STK3: variants seen among roughly 807,000 people sequenced by gnomAD.
STK3 encodes serine/threonine-protein kinase 3.
STK3 carries 41 observed loss-of-function variants against 58.0 expected under a neutral mutation model. The observed-to-expected ratio is 0.71, with a 90% CI of 0.55 to 0.92. The LOEUF (loss-of-function observed/expected upper bound fraction) is 0.92, where lower values mean the gene tolerates loss of function less well. Ranked by LOEUF, STK3 falls within the 40% of genes least tolerant of loss-of-function variation. The probability of loss-of-function intolerance (pLI) is 0.00; values close to 1 mark genes in which losing one functional copy is unlikely to be tolerated. For synonymous variants in STK3, 170 were observed against 191.0 expected, an observed-to-expected ratio of 0.89 and a Z score of 0.91; for missense variants, 479 against 602.7, an observed-to-expected ratio of 0.79 and a Z score of 2.15.
At chr8:98,680,047 C>G (rs537436275) in intron 6 of STK3, among the ~76,000 whole-genome samples, 87 of 152,242 alleles carry the variant, frequency 5.7e-4, no homozygotes, top group Middle Eastern at 6.8e-3. Context: ...ACTCTTCTAA[C>G]TTTTCCATTA....
At chr8:98,479,248 G>C (rs955209172) in intron 10 of STK3, among the ~76,000 whole-genome samples, 7 of 152,082 alleles carry the variant, frequency 4.6e-5, no homozygotes, top group Non-Finnish European at 1.0e-4. Context: ...AGCACTTTGG[G>C]AGGCCAAGGT....
intron 3 of STK3, among the ~76,000 whole-genome samples, chr8:98,848,228 C>T (rs754715953): frequency 1.5e-4 from 23 of 151,840 alleles, no homozygotes; most frequent in Non-Finnish European, 2.9e-4. Context: ...CAGTCCCTGG[C>T]AACTACTAAT....
At chr8:98,924,298 T>C (rs763511944) in intron 1 of STK3, among the ~76,000 whole-genome samples, 22 of 152,228 alleles carry the variant, frequency 1.4e-4, no homozygotes, top group Non-Finnish European at 2.5e-4. Flanking sequence ...ATTATCTGCT[T>C]CTGTTTCTCT....
Position 98,932,754 on chromosome 8 carries a change from T to G in STK3, c.-79+9624A>C, listed in dbSNP as rs1029986678. ...AATGCTCCTGGTCCTCCAGCCATAC[T>G]TCGAAAAGTTAGGCCCTGGGAGGAC... On this transcript the variant is annotated intron_variant, in intron 1 of 1. Transcript: ENST00000519420. Among the ~76,000 whole-genome samples the G allele has an allele frequency of 2.6e-5, 4 of 152,152 alleles. No homozygotes were observed. The South Asian group carries it at 6.2e-4, about 24-fold the overall frequency.
At chr8:98,714,407 T>A (rs1229788394) in intron 4 of STK3, among the ~76,000 whole-genome samples, 3 of 152,184 alleles carry the variant, frequency 2.0e-5, no homozygotes, top group Admixed American at 2.0e-4. Flanking sequence ...CAAAATCTCC[T>A]TAAGCCAACA....
intron 1 of STK3, among the ~76,000 whole-genome samples, chr8:98,886,063 C>A (rs555486593): frequency 6.6e-6 from 1 of 152,010 alleles, no homozygotes; most frequent in African/African-American, 2.4e-5. Flanking sequence ...GAGAAGAGGG[C>A]GAAAGGCATG....
intron 8 of STK3, among the ~76,000 whole-genome samples, chr8:98,570,431 G>A (rs924951845): frequency 1.3e-5 from 2 of 151,908 alleles, no homozygotes; most frequent in African/African-American, 2.4e-5. Flanking sequence ...GTGAGCCACC[G>A]TGCCTGGCCC....
chr8:98,788,419 T>A lies in STK3; in HGVS notation c.27-13600A>T, dbSNP rs564586998. Among the ~76,000 whole-genome samples, 263 of 151,368 alleles carry A rather than the reference T, an allele frequency of 1.7e-3. 1 individual carries two copies. The highest frequency in any genetic ancestry group is 6.8e-3 in the Middle Eastern group (2 of 292). ...TACCACTGCACTCCAGCCTGGGTGA[T>A]GGAGTAAGACTCCATCTCAGAAAAA... On this transcript the variant is annotated intron_variant, in intron 1 of 10. Transcript: ENST00000419617.
At chr8:98,767,171 T>C (rs1831002522) in intron 3 of STK3, 72 bp downstream of exon 3, 1 of 1,426,464 alleles carries the variant, frequency 7.0e-7, no homozygotes, top group Non-Finnish European at 9.3e-7. Flanking sequence ...GATCAAAGAA[T>C]AAATTTTGTT....
intron 3 of STK3, among the ~76,000 whole-genome samples, chr8:98,878,743 C>G (rs2131892285): frequency 1.3e-5 from 2 of 152,168 alleles, no homozygotes; most frequent in Middle Eastern, 3.4e-3. Context: ...ACTTGCCTTG[C>G]TGAGAATTAA....
intron 10 of STK3, among the ~76,000 whole-genome samples, chr8:98,505,363 T>G (rs746335566): frequency 1.3e-5 from 2 of 152,218 alleles, no homozygotes; most frequent in Non-Finnish European, 2.9e-5. Context: ...AGAAGTTTGT[T>G]ATTACCAACC....
At chr8:98,623,198 GA>G (rs1446210625) in intron 6 of STK3, among the ~76,000 whole-genome samples, 1 of 148,796 alleles carries the variant, frequency 6.7e-6, no homozygotes, top group Non-Finnish European at 1.5e-5. Flanking sequence ...AAGAAACGAA[GA>G]AAAAATAAAG....
At chr8:98,541,520 A>T (rs1284529138) in intron 9 of STK3, among the ~76,000 whole-genome samples, 1 of 152,110 alleles carries the variant, frequency 6.6e-6, no homozygotes, top group African/African-American at 2.4e-5. Flanking sequence ...TTTATATATT[A>T]CCCAGTCTCA....
In STK3 at chr8:98,743,627, C is replaced by A. The variant is rs201008853; in HGVS notation, c.351+5649G>T. On this transcript the variant is annotated intron_variant, in intron 4 of 10. Transcript: ENST00000419617. ...TTAAACGTTAGACCTAAAACCATAA[C>A]AACCCTAGAAGAAAACCTAGGCATT... is the stretch of plus-strand genomic sequence containing the variant. 1.2e-3 allele frequency among the ~76,000 whole-genome samples: 186 copies of A among 152,112 alleles called. 1 individual carries two copies. The highest frequency in any genetic ancestry group is 4.0e-3 in the African/African-American group (165 of 41,474).
chr8:98,490,469 T>A (rs560522635), intron 10 of STK3, among the ~76,000 whole-genome samples: 2 of 152,338 alleles, frequency 1.3e-5, no homozygotes, highest in East Asian at 3.9e-4. Context: ...CCCCTGACTT[T>A]ACTTCTTAGG....
At chr8:98,440,563 ACG>A (rs1491254509) in intron 1 of STK3, among the ~76,000 whole-genome samples, 4 of 118,310 alleles carry the variant, frequency 3.4e-5, no homozygotes, top group African/African-American at 3.2e-5. Flanking sequence ...TTACATAAGC[ACG>A]TGTGTGTGTG....
At chr8:98,848,550 C>T (rs917383253) in intron 3 of STK3, among the ~76,000 whole-genome samples, 3 of 152,156 alleles carry the variant, frequency 2.0e-5, no homozygotes, top group Non-Finnish European at 2.9e-5. Context: ...ATCTACTTTC[C>T]GTCTCTACAG....
intron 8 of STK3, among the ~76,000 whole-genome samples, chr8:98,553,124 A>G (rs1236181711): frequency 1.3e-5 from 2 of 152,166 alleles, no homozygotes; most frequent in African/African-American, 4.8e-5. Context: ...TCAGCTCTTA[A>G]AAGATGAGTA....
the STK3 span, among the ~76,000 whole-genome samples, chr8:98,344,129 T>C: frequency 6.6e-6 from 1 of 152,214 alleles, no homozygotes; most frequent in Admixed American, 6.5e-5. Context: ...GGAAAGAGAC[T>C]GGGCCATGTG....
Sources: gnomAD v4.1 joint callset for allele counts (sites outside exome capture counted in the v4.1 genomes callset) on GRCh38, gnomAD v4.1.1 for gene constraint, MANE v1.5 for transcripts, NCBI Gene and HGNC (gene_info 2026-07-23, HGNC 2026-07-21) for gene names.